Variants in FRMD1 observed in about 807,000 individuals in gnomAD.
The protein encoded by FRMD1 is FERM domain-containing protein 1.
FRMD1 carries 51 observed loss-of-function variants against 54.9 expected under a neutral mutation model. The ratio of observed to expected loss-of-function variants is 0.93; its 90% CI spans 0.74 to 1.17. The LOEUF (loss-of-function observed/expected upper bound fraction) is 1.17. Among genes scored for constraint, FRMD1 ranks in the 50% most tolerant of loss-of-function variants. The pLI is 0.00. For synonymous variants in FRMD1, 324 were observed against 306.4 expected, an observed-to-expected ratio of 1.06 and a Z score of -0.60; for missense variants, 729 against 743.0, an observed-to-expected ratio of 0.98 and a Z score of 0.22.
In FRMD1 at chr6:168,060,834, C is replaced by A; in HGVS notation, c.1269G>T (p.Gly423=). The change falls in exon 9 of 11, where the codon GGG becomes GGT. Residue 423 remains glycine (G), a synonymous_variant. Transcript: ENST00000283309. ...MSVDVPLEVH[G]LHEKEPSSSP... is the part of the protein sequence containing the mutation. ...TGGAGGACGGCTCCTTCTCATGGAG[C>A]CCGTGGACCTCCAAGGGCACGTCCA... is the stretch of plus-strand genomic sequence containing the variant. 2 of 1,613,570 alleles carry A rather than the reference C, an allele frequency of 1.2e-6. No homozygotes were observed. The highest frequency in any genetic ancestry group is 2.7e-5 in the African/African-American group (2 of 75,062).
At chr6:168,081,394 C>G, upstream of FRMD1, 2 of 1,535,208 alleles carry the variant, frequency 1.3e-6, no homozygotes, top group African/African-American at 1.4e-5. Flanking sequence ...AAGAGGCTGG[C>G]CTGCCACGTT....
intron 2 of FRMD1, among the ~76,000 whole-genome samples, chr6:168,067,997 A>G (rs1339326632): frequency 1.3e-5 from 2 of 151,560 alleles, no homozygotes; most frequent in Non-Finnish European, 2.9e-5. Flanking sequence ...CTGTAGTCCT[A>G]GCTACTCAGG....
At chr6:168,058,032 C>T (rs949867838) in intron 10 of FRMD1, among the ~76,000 whole-genome samples, 3 of 152,248 alleles carry the variant, frequency 2.0e-5, no homozygotes, top group Non-Finnish European at 4.4e-5. Flanking sequence ...CAGGCGGCTT[C>T]GGGCAGCCGT....
At chr6:168,079,586 G>A (rs571449873), upstream of FRMD1, among the ~76,000 whole-genome samples, 71 of 152,322 alleles carry the variant, frequency 4.7e-4, no homozygotes, top group Middle Eastern at 3.4e-3. Flanking sequence ...GGCAGCCTGG[G>A]TGGGCACCCT....
At chr6:168,061,696 G>T in intron 8 of FRMD1, 111 bp downstream of exon 8, 2 of 1,175,114 alleles carry the variant, frequency 1.7e-6, no homozygotes, top group Non-Finnish European at 2.3e-6. Flanking sequence ...GAGTCAGGAG[G>T]CCACAACAAT....
At chr6:168,068,409 T>A (rs1279188775) in intron 2 of FRMD1, among the ~76,000 whole-genome samples, 1 of 152,190 alleles carries the variant, frequency 6.6e-6, no homozygotes, top group Admixed American at 6.5e-5. Flanking sequence ...TGCTGGGAAC[T>A]GGTTCCAGGA....
rs1799357519 is a variant in FRMD1 at position 168,055,214 on chromosome 6, G to A, written c.*1883C>T. The A allele has an allele frequency of 6.6e-6, 1 of 152,276 alleles. No homozygotes were observed. Among genetic ancestry groups the A allele is most frequent in the Non-Finnish European group, 1.5e-5 (1 of 68,074 alleles). 9.4% of individuals were successfully genotyped at this position (152,276 alleles called of 1,614,324 possible). On this transcript the variant is annotated 3_prime_UTR_variant, in exon 11 of 11. Coordinates refer to ENST00000283309, the MANE Select transcript of FRMD1 (RefSeq NM_024919.6). ...GCTTCACTGATGCTTCCACAAGTTA[G>A]GGGTGGGCTGGCCCGGCCTTTGCTG...
rs935804801 is a variant in FRMD1, at chr6:168,057,491, C to G, written c.1408-152G>C. The G allele has an allele frequency of 3.7e-6, 4 of 1,095,516 alleles. No individual in the cohort carries two copies. In the African/African-American group the frequency reaches 4.8e-5, roughly 13 times the overall value. The allele number at this position is 1,095,516 out of a possible 1,614,324, so 67.9% of individuals were successfully genotyped here. A position where few individuals can be genotyped will look rare whatever the true frequency, so the allele number is the denominator to read the frequency against. On this transcript the variant is annotated intron_variant, in intron 10 of 10. Coordinates refer to ENST00000283309, the MANE Select transcript of FRMD1 (RefSeq NM_024919.6). ...ATGGCCGGCCTGCCCCTGGACGGGT[C>G]CCCCAGCACACACCTCTGCGAGAGA... is the stretch of plus-strand genomic sequence containing the variant.
At position 168,064,997 on chromosome 6, in the gene FRMD1, C is replaced by G. The variant is rs1398252661; in HGVS notation, c.522G>C (p.Gln174His). 16 of 1,611,964 alleles carry G rather than the reference C, an allele frequency of 9.9e-6. No homozygotes were observed. Among genetic ancestry groups the G allele is most frequent in the Non-Finnish European group, 1.4e-5 (16 of 1,179,846 alleles). The change falls in exon 5 of 11, where the codon CAG (glutamine) becomes CAC (histidine). Residue 174 changes from glutamine (Q) to histidine (H), a missense_variant. By Grantham distance (24) the Gln-to-His change is conservative (BLOSUM62 0). Coordinates refer to ENST00000283309, the MANE Select transcript of FRMD1 (RefSeq NM_024919.6). ...CHLKERVLRS[Q>H]CAHREEAYFL... is the part of the protein sequence containing the mutation. ...AGTAGGCTTCCTCCCGGTGAGCGCACTGTGACCTCAGCACGCGCTCCTTCA... is the reference window on the plus strand; with the variant it reads ...AGTAGGCTTCCTCCCGGTGAGCGCAGTGTGACCTCAGCACGCGCTCCTTCA...
At chr6:168,067,484 C>T (rs1800100845) in intron 2 of FRMD1, 38 bp from the exon 3 acceptor site, 5 of 1,307,330 alleles carry the variant, frequency 3.8e-6, no homozygotes, top group Non-Finnish European at 5.5e-6. Flanking sequence ...GAGCAGTCAC[C>T]ATGCTTCTCA....
chr6:168,066,033 AC>A (rs1162619980), intron 4 of FRMD1: 83 of 999,870 alleles, frequency 8.3e-5, no homozygotes, highest in Non-Finnish European at 9.6e-5. Flanking sequence ...TGTACAACTT[AC>A]CCACTCCTGT....
chr6:168,078,675 T>C (rs188094016), intron 1 of FRMD1, among the ~76,000 whole-genome samples: 115 of 24,762 alleles, frequency 4.6e-3, no homozygotes, highest in Admixed American at 5.6e-3. Context: ...CTCACCCCCA[T>C]GGCTCTGCTC....
At chr6:168,067,679 T>C (rs1419341732) in intron 2 of FRMD1, among the ~76,000 whole-genome samples, 1 of 152,208 alleles carries the variant, frequency 6.6e-6, no homozygotes, top group Non-Finnish European at 1.5e-5. Context: ...TGTAGGAATA[T>C]TACAAGCTGA....
chr6:168,090,311 C>G (rs1347248955), intron 1 of FRMD1, among the ~76,000 whole-genome samples: 1 of 152,208 alleles, frequency 6.6e-6, no homozygotes, highest in African/African-American at 2.4e-5. Context: ...TCCCACCTCC[C>G]TCCTGAGCAG....
intron 10 of FRMD1, 74 bp from the exon 11 acceptor site, chr6:168,057,413 C>T: frequency 3.2e-6 from 5 of 1,565,318 alleles, no homozygotes; most frequent in Non-Finnish European, 4.3e-6. Flanking sequence ...AGCCACACTG[C>T]TTGTGGCCAC....
chr6:168,061,716 A>G (rs1019910243), intron 8 of FRMD1, 91 bp downstream of exon 8: 1 of 1,323,294 alleles, frequency 7.6e-7, no homozygotes, highest in East Asian at 2.5e-5. Flanking sequence ...TAAGAGACAG[A>G]AGGCATAGTC....
At chr6:168,075,999 T>A in intron 1 of FRMD1, 2 of 907,554 alleles carry the variant, frequency 2.2e-6, no homozygotes. Flanking sequence ...GTGACACTAC[T>A]TCACGCCTGT....
At chr6:168,058,170 C>G (rs548156516) in intron 10 of FRMD1, among the ~76,000 whole-genome samples, 2 of 148,142 alleles carry the variant, frequency 1.4e-5, no homozygotes, top group Non-Finnish European at 3.0e-5. Context: ...ATCCAGCCTC[C>G]GGTGCCCAGC....
At position 168,057,303 on chromosome 6, in the gene FRMD1, G is replaced by T. The variant is rs746249434; in HGVS notation, c.1444C>A (p.His482Asn). Residue 482 changes from histidine (H) to asparagine (N), a missense_variant, in exon 11 of 11, where the codon CAC becomes AAC. Transcript: ENST00000283309. ...EMTAGVSEEQ[H>N]SHGLDDMQLH... Reference sequence around the variant, plus strand: ...TGCATGTCGTCCAGGCCATGGCTGTGCTGCTCCTCACTGACCCCGGCTGTC... The same window carrying T: ...TGCATGTCGTCCAGGCCATGGCTGTTCTGCTCCTCACTGACCCCGGCTGTC... 1.9e-6 allele frequency: 3 copies of T among 1,612,146 alleles called. No homozygotes were observed. Among genetic ancestry groups the T allele is most frequent in the Non-Finnish European group, 2.5e-6 (3 of 1,179,780 alleles).
Sources: gnomAD v4.1 joint callset for allele counts (sites outside exome capture counted in the v4.1 genomes callset) on GRCh38, gnomAD v4.1.1 for gene constraint, MANE v1.5 for transcripts, NCBI Gene and HGNC (gene_info 2026-07-23, HGNC 2026-07-21) for gene names.